Variants in KCTD1 observed in about 807,000 individuals in gnomAD.
KCTD1 encodes BTB/POZ domain-containing protein KCTD1.
KCTD1 carries 24 observed loss-of-function variants against 66.0 expected under a neutral mutation model. That is an observed-to-expected ratio of 0.36 (90% CI 0.26 to 0.51). The LOEUF is 0.51. KCTD1 is among the 20% of genes least tolerant of loss of function. KCTD1 has a pLI of 0.95. For missense variants in KCTD1, 943 were observed against 1,205.2 expected (o/e 0.78, Z 3.22); for synonymous variants, 511 against 517.2 (o/e 0.99, Z 0.16).
At chr18:26,465,911 G>A (rs370136286) in intron 3 of KCTD1, among the ~76,000 whole-genome samples, 3 of 152,324 alleles carry the variant, frequency 2.0e-5, no homozygotes, top group African/African-American at 4.8e-5. Context: ...ACCAGACAGC[G>A]CTAGTCACCA....
intron 1 of KCTD1, among the ~76,000 whole-genome samples, chr18:26,593,327 GGAGGAGGAA>G (rs1351631164): frequency 1.0e-4 from 15 of 144,388 alleles, no homozygotes; most frequent in South Asian, 2.3e-4. Context: ...AGGAGGAAGA[GGAGGAGGAA>G]GAGGAGGAAG....
chr18:26,638,713 A>C (rs1238653093), intron 1 of KCTD1, among the ~76,000 whole-genome samples: 1 of 152,230 alleles, frequency 6.6e-6, no homozygotes, highest in Non-Finnish European at 1.5e-5. Flanking sequence ...TGCTGTCTTC[A>C]ACAGCCAGTC....
chr18:26,475,537 G>T (rs1271851503), intron 3 of KCTD1, among the ~76,000 whole-genome samples: 3 of 152,014 alleles, frequency 2.0e-5, no homozygotes, highest in Non-Finnish European at 4.4e-5. Flanking sequence ...CTTATGATTG[G>T]CTCTTGCTAT....
chr18:26,582,114 A>G (rs1986367642), intron 1 of KCTD1, among the ~76,000 whole-genome samples: 1 of 151,956 alleles, frequency 6.6e-6, no homozygotes, highest in African/African-American at 2.4e-5. Flanking sequence ...CCAAAAAAAA[A>G]AAAAAAAAAT....
intron 1 of KCTD1, among the ~76,000 whole-genome samples, chr18:26,616,700 A>AAC (rs1555647345): frequency 0.073 from 11,047 of 150,508 alleles, 468 homozygotes; most frequent in South Asian, 0.14. Context: ...AAAAAAAAAA[A>AAC]ATTTGTAGAG....
chr18:26,500,260 T>TA (rs1567969491), intron 2 of KCTD1, among the ~76,000 whole-genome samples: 2 of 126,828 alleles, frequency 1.6e-5, no homozygotes, highest in African/African-American at 5.9e-5. Context: ...TACAAAAAAT[T>TA]TAAAAAAAAA....
At chr18:26,628,550 T>C (rs1162958363) in intron 1 of KCTD1, among the ~76,000 whole-genome samples, 1 of 152,112 alleles carries the variant, frequency 6.6e-6, no homozygotes, top group Non-Finnish European at 1.5e-5. Context: ...AAGGAAGCAG[T>C]TTGCATTTGG....
chr18:26,622,640 C>T (rs748882107), intron 1 of KCTD1, among the ~76,000 whole-genome samples: 6 of 152,062 alleles, frequency 3.9e-5, no homozygotes, highest in Admixed American at 6.6e-5. Context: ...TCAAAAATAA[C>T]GTGAATATGC....
chr18:26,616,522 C>T (rs1296288667), intron 1 of KCTD1, among the ~76,000 whole-genome samples: 13 of 151,688 alleles, frequency 8.6e-5, no homozygotes, highest in Admixed American at 7.2e-4. Flanking sequence ...CACACACACA[C>T]TCATATATAC....
chr18:26,649,190 G>A (rs1987981951), intron 1 of KCTD1, among the ~76,000 whole-genome samples: 1 of 152,200 alleles, frequency 6.6e-6, no homozygotes, highest in Admixed American at 6.5e-5. Context: ...GACTGCCTAA[G>A]ACTGGGTTAT....
intron 1 of KCTD1, among the ~76,000 whole-genome samples, chr18:26,561,858 C>G (rs1034414580): frequency 6.6e-6 from 1 of 152,114 alleles, no homozygotes; most frequent in African/African-American, 2.4e-5. Flanking sequence ...TGGAATCAGC[C>G]CAGTCCCGTG....
At chr18:26,533,020 T>C (rs1370299429) in intron 1 of KCTD1, among the ~76,000 whole-genome samples, 1 of 152,238 alleles carries the variant, frequency 6.6e-6, no homozygotes, top group Admixed American at 6.5e-5. Context: ...AGGTTTGCCA[T>C]TGACCACCTC....
chr18:26,559,000 C>G (rs1392764186), intron 1 of KCTD1, among the ~76,000 whole-genome samples: 1 of 151,474 alleles, frequency 6.6e-6, no homozygotes, highest in Non-Finnish European at 1.5e-5. Context: ...CTTGATGGAA[C>G]TGGGGGTCAT....
In KCTD1 at chr18:26,469,180, T is replaced by TC. The variant is rs1447348210; in HGVS notation, c.2133+7334_2133+7335insG. ...ATTTGACATGCTTTTGTTTTTTTTT[T>TC]TTTCCCTCAAGCGTGGGTTACAGCT... On this transcript the variant is annotated intron_variant, in intron 3 of 4. Transcript: ENST00000580059. Among the ~76,000 whole-genome samples, 3 of 152,082 alleles carry TC rather than the reference T, an allele frequency of 2.0e-5. No individual in the cohort carries two copies. The East Asian group carries it at 5.8e-4, about 29-fold the overall frequency.
Position 26,476,846 on chromosome 18 carries a change from T to C in KCTD1, c.1989-187A>G. On this transcript the variant is annotated intron_variant, in intron 2 of 4. Transcript: ENST00000580059. This position sits in a 1 kb window ranked among gnomAD's most constrained non-coding sequence, Gnocchi z 4.9. The stretch of plus-strand genomic sequence containing the variant: ...CTCAGGACGAGACCATTCAAAATAG[T>C]CCTAGGCTTTGTCAAATGAATTCTT... 1.8e-6 allele frequency: 1 copy of C among 542,334 alleles called. No individual in the cohort carries two copies. The highest frequency in any genetic ancestry group is 3.2e-6 in the Non-Finnish European group (1 of 312,832). 33.6% of individuals were successfully genotyped at this position (542,334 alleles called of 1,614,324 possible). A position where few individuals can be genotyped will look rare whatever the true frequency, so the allele number is the denominator to read the frequency against.
chr18:26,529,270 C>T (rs1984320954), intron 1 of KCTD1, among the ~76,000 whole-genome samples: 1 of 152,172 alleles, frequency 6.6e-6, no homozygotes, highest in African/African-American at 2.4e-5. Flanking sequence ...CCGCATCTCC[C>T]CCTCCACTCA....
At chr18:26,464,328 A>G (rs1043418489) in intron 3 of KCTD1, among the ~76,000 whole-genome samples, 5 of 152,138 alleles carry the variant, frequency 3.3e-5, no homozygotes, top group South Asian at 2.1e-4. Context: ...CACTTCTCTC[A>G]TCCCATCTTC....
chr18:26,545,466 C>T (rs2144829348), intron 1 of KCTD1: 1 of 152,278 alleles, frequency 6.6e-6, no homozygotes, highest in African/African-American at 2.4e-5. Flanking sequence ...TCTCAGTTGG[C>T]CTTGAGGCTT....
Position 26,547,678 on chromosome 18 carries a change from C to A in KCTD1, c.859G>T (p.Ala287Ser). 6.4e-7 allele frequency: 1 copy of A among 1,551,262 alleles called. No individual in the cohort carries two copies. The highest frequency in any genetic ancestry group is 8.7e-7 in the Non-Finnish European group (1 of 1,146,970). ...PVVQKQAITR[A>S]DLRKLYTSSV... ...GAGGTGTACAGCTTGCGCAGGTCGG[C>A]GCGCGTGATGGCTTGCTTCTGCACC... The change falls in exon 1 of 5, where the codon GCC (alanine) becomes TCC (serine). Residue 287 changes from alanine to serine, a missense_variant. By Grantham distance (99) the Ala-to-Ser change is moderately conservative. This residue lies in a region of KCTD1 where 61 missense variants were observed against 109.6 expected (regional missense o/e 0.56). Coordinates refer to ENST00000580059, the MANE Select transcript of KCTD1 (RefSeq NM_001142730.3).
Sources: allele counts gnomAD v4.1 joint callset (sites outside exome capture counted in the v4.1 genomes callset), GRCh38; gene constraint gnomAD v4.1.1; regional missense constraint gnomAD v4.1.1; non-coding constraint Gnocchi (gnomAD v3.1); transcripts MANE v1.5; gene names NCBI Gene and HGNC (gene_info 2026-07-23, HGNC 2026-07-21).